The following TM4SF18 variants were observed in gnomAD, a reference collection of about 807,000 sequenced individuals.
TM4SF18 encodes transmembrane 4 L6 family member 18.
A neutral mutation model predicts 23.8 loss-of-function variants in TM4SF18; 22 were observed. That is an observed-to-expected ratio of 0.92 (90% CI 0.66 to 1.32). The LOEUF (loss-of-function observed/expected upper bound fraction) is 1.32. TM4SF18 is among the 40% of genes most tolerant of loss of function. The pLI, the probability that TM4SF18 is intolerant of heterozygous loss-of-function variation, is 0.00. For missense variants in TM4SF18, 255 were observed against 240.3 expected (o/e 1.06, Z -0.41); for synonymous variants, 87 against 87.9 (o/e 0.99, Z 0.06).
chr3:149,321,676 A>G (rs1220268110), intron 5 of TM4SF18, among the ~76,000 whole-genome samples, 184 bp from the exon 6 acceptor site: 1 of 152,252 alleles, frequency 6.6e-6, no homozygotes, highest in Non-Finnish European at 1.5e-5. Flanking sequence ...AATACAAGCC[A>G]TCTAAATTCA....
intron 3 of TM4SF18, among the ~76,000 whole-genome samples, chr3:149,325,450 A>G (rs145526984): frequency 7.6e-4 from 116 of 152,296 alleles, no homozygotes; most frequent in Middle Eastern, 3.4e-3. Flanking sequence ...TATCTTTACA[A>G]CAATATAAAG....
chr3:149,325,056 A>G, intron 3 of TM4SF18, 34 bp from the exon 4 acceptor site: 1 of 1,602,766 alleles, frequency 6.2e-7, no homozygotes, highest in Non-Finnish European at 8.5e-7. Flanking sequence ...TTAGTACCAT[A>G]GAATGCGACA....
At chr3:149,333,476 C>CTA in intron 1 of TM4SF18, 37 bp downstream of exon 1, 8 of 478,124 alleles carry the variant, frequency 1.7e-5, no homozygotes, top group South Asian at 6.5e-5. Flanking sequence ...TTTTCTCTCT[C>CTA]TCTCTCTTTT....
chr3:149,323,053 CG>C (rs1730851069), intron 4 of TM4SF18, among the ~76,000 whole-genome samples: 1 of 152,022 alleles, frequency 6.6e-6, no homozygotes, highest in African/African-American at 2.4e-5. Flanking sequence ...CCCGCCACCA[CG>C]CCCGGCTAAT....
Position 149,322,114 on chromosome 3 carries a change from A to C in TM4SF18, c.591+142T>G, listed in dbSNP as rs2108358965. 4.4e-6 allele frequency: 3 copies of C among 683,384 alleles called. No individual in the cohort carries two copies. The East Asian group carries it at 8.5e-5, about 19-fold the overall frequency. The allele number at this position is 683,384 out of a possible 1,614,324, so 42.3% of individuals were successfully genotyped here. On this transcript the variant is annotated intron_variant, in intron 5 of 5. Transcript: ENST00000296059. ...CATTGGGATATCAGAAAAAATTGAGATATTAGAGCTTGAATAAAGATGAGG... is the reference window on the plus strand; with the variant it reads ...CATTGGGATATCAGAAAAAATTGAGCTATTAGAGCTTGAATAAAGATGAGG...
chr3:149,324,579 A>C (rs1299863451), intron 4 of TM4SF18, among the ~76,000 whole-genome samples: 1 of 152,208 alleles, frequency 6.6e-6, no homozygotes, highest in Non-Finnish European at 1.5e-5. Flanking sequence ...ACCAGACCAG[A>C]CCATAGTAAC....
At chr3:149,329,031 C>G (rs1196714570) in intron 3 of TM4SF18, among the ~76,000 whole-genome samples, 3 of 151,988 alleles carry the variant, frequency 2.0e-5, no homozygotes, top group Non-Finnish European at 4.4e-5. Context: ...TATTTGTTTT[C>G]TAGAAATTCT....
chr3:149,324,863 G>T lies in TM4SF18; in HGVS notation c.410+17C>A. ...TCTGATTTTCCGACCTCCTTGGTTTGGGGAATTATTCCTTACCGTCCAGCA... is the reference window on the plus strand; with the variant it reads ...TCTGATTTTCCGACCTCCTTGGTTTTGGGAATTATTCCTTACCGTCCAGCA... On this transcript the variant is annotated intron_variant, in intron 4 of 5. Coordinates refer to ENST00000296059, the MANE Select transcript of TM4SF18 (RefSeq NM_138786.4). 2 of 1,613,530 alleles carry T rather than the reference G, an allele frequency of 1.2e-6. No homozygotes were observed. The highest frequency in any genetic ancestry group is 1.7e-6 in the Non-Finnish European group (2 of 1,179,620).
At chr3:149,322,140 G>T in intron 5 of TM4SF18, 116 bp downstream of exon 5, 2 of 864,138 alleles carry the variant, frequency 2.3e-6, no homozygotes, top group Non-Finnish European at 3.5e-6. Context: ...AAAGATGAGG[G>T]CAATAGAAAT....
At chr3:149,324,660 C>T in intron 4 of TM4SF18, 1 of 553,052 alleles carries the variant, frequency 1.8e-6, no homozygotes, top group Non-Finnish European at 3.2e-6. Context: ...AACCTCAAGA[C>T]ATTGAATGAA....
At chr3:149,324,108 C>T (rs979848059) in intron 4 of TM4SF18, among the ~76,000 whole-genome samples, 7 of 152,160 alleles carry the variant, frequency 4.6e-5, no homozygotes, top group Non-Finnish European at 1.0e-4. Context: ...CCTCATTTTA[C>T]TCCATTAGAA....
intron 2 of TM4SF18, among the ~76,000 whole-genome samples, chr3:149,332,841 A>G (rs1300066651): frequency 6.6e-5 from 10 of 152,160 alleles, no homozygotes. Flanking sequence ...CCTTCAAGCT[A>G]GAAAAACATG....
intron 3 of TM4SF18, among the ~76,000 whole-genome samples, chr3:149,326,757 G>A (rs778508724): frequency 1.3e-5 from 2 of 152,104 alleles, no homozygotes; most frequent in African/African-American, 2.4e-5. Flanking sequence ...CCATAAATGC[G>A]ATTATTCTTT....
At chr3:149,329,155 GTC>G (rs1491396689) in intron 3 of TM4SF18, among the ~76,000 whole-genome samples, 2 of 107,242 alleles carry the variant, frequency 1.9e-5, no homozygotes, top group African/African-American at 4.5e-5. Flanking sequence ...GAGTCAACTG[GTC>G]ACACACACAC....
At chr3:149,328,244 G>C (rs1428728370) in intron 3 of TM4SF18, among the ~76,000 whole-genome samples, 1 of 152,130 alleles carries the variant, frequency 6.6e-6, no homozygotes, top group Non-Finnish European at 1.5e-5. Flanking sequence ...TTCAGTGTCT[G>C]GTGAGGGCTC....
At chr3:149,322,117 T>G in intron 5 of TM4SF18, 139 bp downstream of exon 5, 1 of 705,184 alleles carries the variant, frequency 1.4e-6, no homozygotes, top group Non-Finnish European at 2.3e-6. Flanking sequence ...AATTGAGATA[T>G]TAGAGCTTGA....
intron 3 of TM4SF18, 66 bp from the exon 4 acceptor site, chr3:149,325,088 A>T (rs1730910059): frequency 2.0e-6 from 3 of 1,520,124 alleles, no homozygotes; most frequent in South Asian, 2.4e-5. Context: ...TGGATAAATT[A>T]TCAGATAGCT....
At chr3:149,330,220 G>C in intron 3 of TM4SF18, 110 bp downstream of exon 3, 1 of 664,182 alleles carries the variant, frequency 1.5e-6, no homozygotes, top group Non-Finnish European at 2.6e-6. Flanking sequence ...TCTCTGTACT[G>C]TACTCAACAG....
At position 149,330,343 on chromosome 3, in the gene TM4SF18, C is replaced by T. The variant is rs1176016324; in HGVS notation, c.254G>A (p.Ser85Asn). The T allele has an allele frequency of 6.2e-7, 1 of 1,611,106 alleles. No individual in the cohort carries two copies. The highest frequency in any genetic ancestry group is 1.3e-5 in the African/African-American group (1 of 74,802). Residue 85 changes from serine (S) to asparagine (N), a missense_variant, in exon 3 of 6, where the codon AGC (serine) becomes AAC (asparagine). Transcript: ENST00000296059. Reference protein sequence around the residue: ...NYKCCQSENCSKKYVTLLSII... With the variant: ...NYKCCQSENCNKKYVTLLSII... ...TGTTGCTCTTACCACATATTTTTTG[C>T]TGCAGTTTTCACTCTGGCAACATTT... is the stretch of plus-strand genomic sequence containing the variant.
Sources: gnomAD v4.1 joint callset for allele counts (sites outside exome capture counted in the v4.1 genomes callset) on GRCh38, gnomAD v4.1.1 for gene constraint, MANE v1.5 for transcripts, NCBI Gene and HGNC (gene_info 2026-07-23, HGNC 2026-07-21) for gene names.